Variants in CCSER1 observed in about 807,000 individuals in gnomAD.
The protein encoded by CCSER1 is serine-rich coiled-coil domain-containing protein 1.
CCSER1 carries 41 observed loss-of-function variants against 82.0 expected under a neutral mutation model. The ratio of observed to expected loss-of-function variants is 0.50; its 90% CI spans 0.39 to 0.65. The LOEUF is 0.65. Ranked by LOEUF, CCSER1 falls within the 30% of genes least tolerant of loss-of-function variation. The pLI is 0.00. For missense variants in CCSER1, 1,119 were observed against 1,064.2 expected, an observed-to-expected ratio of 1.05 and a Z score of -0.72; for synonymous variants, 414 against 383.9, an observed-to-expected ratio of 1.08 and a Z score of -0.92.
intron 10 of CCSER1, among the ~76,000 whole-genome samples, chr4:91,113,638 C>CA (rs1389987523): frequency 3.9e-5 from 6 of 152,112 alleles, no homozygotes; most frequent in Non-Finnish European, 5.9e-5. Context: ...TCTTTATTGA[C>CA]AAAATAAGCT....
At chr4:90,296,138 G>C (rs1731849990) in intron 1 of CCSER1, among the ~76,000 whole-genome samples, 3 of 152,038 alleles carry the variant, frequency 2.0e-5, no homozygotes, top group Non-Finnish European at 2.9e-5. Flanking sequence ...TGGAAATCAT[G>C]TTCAGACTCT....
chr4:91,324,245 T>C (rs577819409), intron 10 of CCSER1, among the ~76,000 whole-genome samples: 2 of 152,164 alleles, frequency 1.3e-5, no homozygotes, highest in Non-Finnish European at 2.9e-5. Flanking sequence ...TTTATTCTTA[T>C]ATTATTTAAT....
chr4:90,591,727 A>G (rs1010500817), intron 5 of CCSER1, among the ~76,000 whole-genome samples: 3 of 152,238 alleles, frequency 2.0e-5, no homozygotes, highest in South Asian at 2.1e-4. Context: ...ATAAAGACAC[A>G]TGAACGTGTA....
intron 3 of CCSER1, among the ~76,000 whole-genome samples, chr4:90,330,170 T>C (rs1739021557): frequency 6.6e-6 from 1 of 152,184 alleles, no homozygotes; most frequent in South Asian, 2.1e-4. Flanking sequence ...TTTTTGCACT[T>C]GTCTTTCTTC....
At chr4:90,147,194 C>T (rs1037542008) in intron 1 of CCSER1, among the ~76,000 whole-genome samples, 1 of 151,570 alleles carries the variant, frequency 6.6e-6, no homozygotes, top group African/African-American at 2.4e-5. Flanking sequence ...TTTACTGTGT[C>T]TTTCTGTGTG....
intron 7 of CCSER1, among the ~76,000 whole-genome samples, chr4:90,758,176 A>G (rs1237436556): frequency 6.6e-6 from 1 of 152,120 alleles, no homozygotes; most frequent in African/African-American, 2.4e-5. Context: ...ACCCCAGGTG[A>G]TCCGCCTGCG....
At chr4:91,317,816 C>T (rs1274473689) in intron 10 of CCSER1, among the ~76,000 whole-genome samples, 1 of 151,872 alleles carries the variant, frequency 6.6e-6, no homozygotes, top group Non-Finnish European at 1.5e-5. Context: ...GAGAAGGTTT[C>T]AGTCAGGCAA....
At chr4:91,584,333 A>C (rs1262355504) in intron 10 of CCSER1, among the ~76,000 whole-genome samples, 1 of 151,522 alleles carries the variant, frequency 6.6e-6, no homozygotes. Flanking sequence ...ATTGTCTATG[A>C]AGAGGCATGG....
At chr4:91,230,817 A>T (rs936696469) in intron 10 of CCSER1, among the ~76,000 whole-genome samples, 1 of 151,958 alleles carries the variant, frequency 6.6e-6, no homozygotes, top group Non-Finnish European at 1.5e-5. Flanking sequence ...TTTAAAATAT[A>T]CAAAATAATG....
chr4:90,218,332 A>G (rs980682159), intron 1 of CCSER1, among the ~76,000 whole-genome samples: 1 of 152,114 alleles, frequency 6.6e-6, no homozygotes, highest in Admixed American at 6.6e-5. Context: ...GTTTGCTAGT[A>G]TTTTGTATAG....
chr4:90,465,455 G>T (rs989202971), intron 4 of CCSER1, among the ~76,000 whole-genome samples: 10 of 151,812 alleles, frequency 6.6e-5, no homozygotes, highest in Non-Finnish European at 1.2e-4. Flanking sequence ...TGAGTAGCTG[G>T]GACTACAGAC....
At chr4:90,631,788 C>A (rs1479148754) in intron 6 of CCSER1, among the ~76,000 whole-genome samples, 1 of 152,042 alleles carries the variant, frequency 6.6e-6, no homozygotes, top group Non-Finnish European at 1.5e-5. Context: ...GACGTGACAC[C>A]ACAAGTGGAA....
At chr4:91,458,147 T>A (rs894360824) in intron 10 of CCSER1, among the ~76,000 whole-genome samples, 8 of 152,170 alleles carry the variant, frequency 5.3e-5, no homozygotes, top group African/African-American at 1.9e-4. Context: ...GTCTAAGTCT[T>A]TAATCCATCT....
At chr4:90,739,927 C>T (rs1424725330) in intron 7 of CCSER1, among the ~76,000 whole-genome samples, 1 of 152,200 alleles carries the variant, frequency 6.6e-6, no homozygotes, top group Non-Finnish European at 1.5e-5. Context: ...AAACCAGGTA[C>T]TGTAATTACT....
At chr4:91,359,683 G>A (rs1251531527) in intron 10 of CCSER1, among the ~76,000 whole-genome samples, 1 of 151,550 alleles carries the variant, frequency 6.6e-6, no homozygotes, top group African/African-American at 2.4e-5. Flanking sequence ...TTGAAAAAGG[G>A]CTAAGCAATC....
intron 1 of CCSER1, among the ~76,000 whole-genome samples, chr4:90,291,709 C>A (rs1307761028): frequency 2.0e-5 from 3 of 151,768 alleles, no homozygotes; most frequent in African/African-American, 4.8e-5. Flanking sequence ...TATGTAACTC[C>A]TTTTAAAAAA....
At chr4:90,551,298 A>G (rs142442478) in intron 5 of CCSER1, among the ~76,000 whole-genome samples, 1 of 152,126 alleles carries the variant, frequency 6.6e-6, no homozygotes, top group Non-Finnish European at 1.5e-5. Context: ...AAAGCCAGTA[A>G]GATCTGGTAC....
chr4:90,608,210 A>C (rs1407522597), intron 5 of CCSER1, among the ~76,000 whole-genome samples: 5 of 152,152 alleles, frequency 3.3e-5, no homozygotes, highest in African/African-American at 4.8e-5. Context: ...TGGGTCCTCT[A>C]TTAGGGTCCC....
At chr4:90,650,943 G>A (rs1044303165) in intron 6 of CCSER1, among the ~76,000 whole-genome samples, 6 of 152,126 alleles carry the variant, frequency 3.9e-5, no homozygotes, top group Non-Finnish European at 8.8e-5. Context: ...CTATGAAGTC[G>A]AACTAACTTG....
Sources: gnomAD v4.1 joint callset for allele counts (sites outside exome capture counted in the v4.1 genomes callset) on GRCh38, gnomAD v4.1.1 for gene constraint, MANE v1.5 for transcripts, NCBI Gene and HGNC (gene_info 2026-07-23, HGNC 2026-07-21) for gene names.